Variants in SHOX observed in about 807,000 individuals in gnomAD.
The protein encoded by SHOX is SHOX homeobox, also known as short stature homeobox protein.
A neutral mutation model predicts 29.6 loss-of-function variants in SHOX; 12 were observed. That is an observed-to-expected ratio of 0.41 (90% CI 0.26 to 0.66). SHOX has a LOEUF of 0.66. Ranked by LOEUF, SHOX falls within the 30% of genes least tolerant of loss-of-function variation. The pLI is 0.35. For missense variants in SHOX, 499 were observed against 437.7 expected (o/e 1.14, Z -1.25); for synonymous variants, 214 against 200.6 (o/e 1.07, Z -0.57).
upstream of SHOX, among the ~76,000 whole-genome samples, chrX:630,193 A>G (rs1045988744): frequency 1.3e-5 from 2 of 151,826 alleles, no homozygotes; most frequent in African/African-American, 2.4e-5. Flanking sequence ...CCTTCTTCTC[A>G]CTTTCGGGGA....
rs1398738646 is a variant in SHOX at position 645,388 on chromosome X, G to GTTTTTTTTTTTTTT, written c.*753_*754insTTTTTTTTTTTTTT. On this transcript the variant is annotated 3_prime_UTR_variant, in exon 5 of 5. Transcript: ENST00000686671. The stretch of plus-strand genomic sequence containing the variant: ...TTGGGTCTGGTTTTGTTTTGGATTG[G>GTTTTTTTTTTTTTT]TATTTTTTTTTTTTTTTTTTTTTTT... 2.6e-5 allele frequency: 2 copies of GTTTTTTTTTTTTTT among 77,742 alleles called. No individual in the cohort carries two copies. Among genetic ancestry groups the GTTTTTTTTTTTTTT allele is most frequent in the African/African-American group, 8.2e-5 (2 of 24,336 alleles). 4.8% of individuals were successfully genotyped at this position (77,742 alleles called of 1,614,324 possible).
rs1470258706 is a variant in SHOX at position 640,293 on chromosome X, C to T, written c.487-528C>T. Among the ~76,000 whole-genome samples, 216 of 151,690 alleles carry T rather than the reference C, an allele frequency of 1.4e-3. 1 individual carries two copies. Among genetic ancestry groups the T allele is most frequent in the Non-Finnish European group, 2.8e-4 (19 of 67,882 alleles). ...CTGGGAGGTGGAGGTTGCAGGGAGGCGAGATAGTGCCACTGCAGTCCAGCC... is the reference window on the plus strand; with the variant it reads ...CTGGGAGGTGGAGGTTGCAGGGAGGTGAGATAGTGCCACTGCAGTCCAGCC... On this transcript the variant is annotated intron_variant, in intron 2 of 4. Coordinates refer to ENST00000686671, the MANE Select transcript of SHOX (RefSeq NM_000451.4).
At chrX:628,721 G>C (rs1315286921), upstream of SHOX, among the ~76,000 whole-genome samples, 2 of 6,960 alleles carry the variant, frequency 2.9e-4, no homozygotes. Flanking sequence ...ATCTCTCTCT[G>C]TCTCTCCCTG....
chrX:627,442 G>A (rs2052558440), upstream of SHOX, among the ~76,000 whole-genome samples: 2 of 152,118 alleles, frequency 1.3e-5, no homozygotes, highest in South Asian at 4.1e-4. Flanking sequence ...GGGTGAGGCC[G>A]CCTCCGTGCT....
intron 1 of SHOX, among the ~76,000 whole-genome samples, chrX:624,783 C>G (rs767587944): frequency 2.4e-4 from 29 of 120,672 alleles, no homozygotes; most frequent in African/African-American, 9.2e-4. Context: ...TGGAGCTTTC[C>G]TTTTCTTTTC....
intron 5 of SHOX, among the ~76,000 whole-genome samples, chrX:657,158 C>T (rs2053160223): frequency 6.6e-6 from 1 of 152,034 alleles, no homozygotes; most frequent in Admixed American, 6.6e-5. Context: ...CAAGCCTCAG[C>T]TTTCTGCCAT....
intron 4 of SHOX, among the ~76,000 whole-genome samples, chrX:642,301 G>C (rs768758274): frequency 1.7e-3 from 235 of 140,328 alleles, no homozygotes; most frequent in African/African-American, 6.0e-3. Context: ...GAACGGGCTT[G>C]GGGGGGGGGC....
At chrX:640,908 C>G (rs757968585) in intron 3 of SHOX, 30 bp downstream of exon 3, 2 of 1,613,780 alleles carry the variant, frequency 1.2e-6, no homozygotes, top group South Asian at 2.2e-5. Context: ...GGACCTGAAG[C>G]TGGGGGATCC....
intron 1 of SHOX, 89 bp from the exon 2 acceptor site, chrX:634,529 C>A: frequency 7.1e-7 from 1 of 1,410,176 alleles, no homozygotes; most frequent in Non-Finnish European, 9.9e-7. Flanking sequence ...TTCGAGGGCC[C>A]CCTTTCCACC....
In SHOX at chrX:645,361, A is replaced by G. The variant is rs1355208850; in HGVS notation, c.*725A>G. 4 of 143,042 alleles carry G rather than the reference A, an allele frequency of 2.8e-5. No individual in the cohort carries two copies. Among genetic ancestry groups the G allele is most frequent in the Non-Finnish European group, 6.0e-5 (4 of 66,318 alleles). 8.9% of individuals were successfully genotyped at this position (143,042 alleles called of 1,614,324 possible). ...TAACTTTTCCAGTGTTTGATTCCCAAATTGGGTCTGGTTTTGTTTTGGATT... is the reference window on the plus strand; with the variant it reads ...TAACTTTTCCAGTGTTTGATTCCCAGATTGGGTCTGGTTTTGTTTTGGATT... On this transcript the variant is annotated 3_prime_UTR_variant, in exon 5 of 5. Transcript: ENST00000686671.
rs190736972 is a variant in SHOX at position 635,796 on chromosome X, C to G, written c.486+970C>G. ...GCCCCTGCCTGACAGTTCAGCTCCC[C>G]TGGAAGGTCAACTCCTCTAGTCCTT... On this transcript the variant is annotated intron_variant, in intron 2 of 4. Transcript: ENST00000686671. 7.2e-5 allele frequency among the ~76,000 whole-genome samples: 11 copies of G among 152,158 alleles called. No homozygotes were observed. In the East Asian group the frequency reaches 2.1e-3, roughly 29 times the overall value.
At position 635,182 on chromosome X, in the gene SHOX, C is replaced by G. The variant is rs973374797; in HGVS notation, c.486+356C>G. Among the ~76,000 whole-genome samples the G allele has an allele frequency of 2.0e-5, 3 of 152,106 alleles. No individual in the cohort carries two copies. The South Asian group carries it at 6.2e-4, about 32-fold the overall frequency. ...AACCCATATATTGGCTCCTGACTGCCTTCGGTTCCCCTGGGATTGGTTATA... is the reference window on the plus strand; with the variant it reads ...AACCCATATATTGGCTCCTGACTGCGTTCGGTTCCCCTGGGATTGGTTATA... On this transcript the variant is annotated intron_variant, in intron 2 of 4. Coordinates refer to ENST00000686671, the MANE Select transcript of SHOX (RefSeq NM_000451.4).
intron 4 of SHOX, among the ~76,000 whole-genome samples, chrX:644,135 G>A (rs778060244): frequency 6.6e-6 from 1 of 152,266 alleles, no homozygotes; most frequent in East Asian, 1.9e-4. Context: ...TCCATTTGTG[G>A]ACCCCCCTCC....
upstream of SHOX, among the ~76,000 whole-genome samples, chrX:626,517 T>C (rs986646024): frequency 8.4e-5 from 8 of 95,302 alleles, 1 homozygote; most frequent in African/African-American, 3.7e-4. Context: ...TCTTTTTCTC[T>C]GTCTCTCTCT....
At chrX:634,081 G>A (rs2052695237) in intron 1 of SHOX, among the ~76,000 whole-genome samples, 1 of 152,204 alleles carries the variant, frequency 6.6e-6, no homozygotes, top group Non-Finnish European at 1.5e-5. Context: ...ACTCAGACGC[G>A]GTTCTGCTGT....
intron 1 of SHOX, among the ~76,000 whole-genome samples, chrX:625,229 C>T (rs186124877): frequency 1.4e-5 from 2 of 143,270 alleles, no homozygotes; most frequent in Admixed American, 7.2e-5. Flanking sequence ...CTCCTTCTCC[C>T]TCCTCCTCCT....
At chrX:656,263 G>GAC (rs1257877113), downstream of SHOX, among the ~76,000 whole-genome samples, 58 of 142,186 alleles carry the variant, frequency 4.1e-4, no homozygotes, top group African/African-American at 1.5e-3. Flanking sequence ...GCAACAAAGT[G>GAC]AGATCTTGTT....
upstream of SHOX, chrX:630,682 C>A (rs933024783): frequency 2.7e-5 from 17 of 623,174 alleles, no homozygotes; most frequent in Non-Finnish European, 4.2e-5. Context: ...AGCGTCTCTG[C>A]GTGCGTCCGC....
In SHOX at chrX:631,110, C is replaced by T. The variant is rs780809993; in HGVS notation, c.213C>T (p.Phe71=). 1 of 1,613,742 alleles carries T rather than the reference C, an allele frequency of 6.2e-7. No homozygotes were observed. Among genetic ancestry groups the T allele is most frequent in the South Asian group, 1.1e-5 (1 of 91,066 alleles). The part of the protein sequence containing the change: ...EGGGHCPVHL[F]KDHVDNDKEK... ...GCGGCCACTGCCCGGTGCATTTGTT[C>T]AAGGACCACGTAGACAATGACAAGG... The change falls in exon 1 of 5, where the codon TTC becomes TTT. Residue 71 remains phenylalanine, a synonymous_variant. Coordinates refer to ENST00000686671, the MANE Select transcript of SHOX (RefSeq NM_000451.4).
Sources: gnomAD v4.1 joint callset for allele counts (sites outside exome capture counted in the v4.1 genomes callset) on GRCh38, gnomAD v4.1.1 for gene constraint, MANE v1.5 for transcripts, NCBI Gene and HGNC (gene_info 2026-07-23, HGNC 2026-07-21) for gene names.